The following FMN1 variants were observed in gnomAD, a reference collection of about 807,000 sequenced individuals.
The protein encoded by FMN1 is formin 1.
Under a neutral mutation model 132.4 loss-of-function variants are expected in FMN1, and 110 were observed. The ratio of observed to expected loss-of-function variants is 0.83; its 90% CI spans 0.71 to 0.97. FMN1 has a LOEUF of 0.97. FMN1 is among the 50% of genes least tolerant of loss of function. FMN1 has a pLI of 0.00. For synonymous variants in FMN1, 722 were observed against 651.7 expected, an observed-to-expected ratio of 1.11 and a Z score of -1.64; for missense variants, 1,792 against 1,705.3, an observed-to-expected ratio of 1.05 and a Z score of -0.90.
At chr15:33,067,834 T>C in intron 5 of FMN1, 1 of 1,613,940 alleles carries the variant, frequency 6.2e-7, no homozygotes, top group Non-Finnish European at 8.5e-7. Context: ...CTTCTGGTTT[T>C]GCTGGTTCTG....
At chr15:33,114,202 G>A (rs1366533907) in intron 4 of FMN1, among the ~76,000 whole-genome samples, 5 of 152,194 alleles carry the variant, frequency 3.3e-5, no homozygotes, top group Admixed American at 3.3e-4. Flanking sequence ...TTGGACAGGA[G>A]GCACCACATG....
intron 6 of FMN1, among the ~76,000 whole-genome samples, chr15:33,013,942 T>C (rs929009625): frequency 2.6e-5 from 4 of 152,210 alleles, no homozygotes; most frequent in Admixed American, 2.0e-4. Context: ...GTGACAGATA[T>C]CGCTATGACT....
intron 17 of FMN1, among the ~76,000 whole-genome samples, chr15:32,851,738 C>T (rs2059013689): frequency 6.6e-6 from 1 of 152,140 alleles, no homozygotes; most frequent in Admixed American, 6.6e-5. Flanking sequence ...ATGAAAAAGA[C>T]ATAAGGATAA....
chr15:32,840,569 T>C (rs973260235), intron 17 of FMN1, among the ~76,000 whole-genome samples: 1 of 152,246 alleles, frequency 6.6e-6, no homozygotes, highest in Non-Finnish European at 1.5e-5. Flanking sequence ...TTTTAGAGCA[T>C]GTGGGATTCC....
chr15:32,935,131 A>C (rs1176922979), intron 9 of FMN1, among the ~76,000 whole-genome samples: 2 of 150,804 alleles, frequency 1.3e-5, no homozygotes, highest in African/African-American at 4.9e-5. Flanking sequence ...CCATGTTGGG[A>C]AGGCTGGTCT....
intron 7 of FMN1, among the ~76,000 whole-genome samples, chr15:33,002,729 G>A (rs1009788271): frequency 1.3e-5 from 2 of 151,972 alleles, no homozygotes; most frequent in Non-Finnish European, 2.9e-5. Context: ...AGAAATCCAG[G>A]TTTTATATAA....
intron 5 of FMN1, among the ~76,000 whole-genome samples, chr15:33,076,549 G>A (rs1269623614): frequency 6.6e-6 from 1 of 152,120 alleles, no homozygotes; most frequent in Non-Finnish European, 1.5e-5. Flanking sequence ...GAAGATGGAT[G>A]GGAGGAGCAT....
At chr15:32,930,832 A>G (rs1236809021) in intron 9 of FMN1, among the ~76,000 whole-genome samples, 3 of 152,084 alleles carry the variant, frequency 2.0e-5, no homozygotes, top group Non-Finnish European at 4.4e-5. Flanking sequence ...CAAGTCTCAC[A>G]TTTAAGTTTC....
intron 17 of FMN1, among the ~76,000 whole-genome samples, chr15:32,844,299 T>C (rs1350990135): frequency 6.6e-6 from 1 of 152,184 alleles, no homozygotes; most frequent in Non-Finnish European, 1.5e-5. Flanking sequence ...ATCCCAAGGA[T>C]CATGTGTTTG....
chr15:32,977,420 G>T (rs1328153030), intron 7 of FMN1, among the ~76,000 whole-genome samples: 1 of 152,304 alleles, frequency 6.6e-6, no homozygotes, highest in African/African-American at 2.4e-5. Flanking sequence ...TCCTGAAAAA[G>T]ATATGGAATG....
intron 10 of FMN1, among the ~76,000 whole-genome samples, chr15:32,918,039 T>C (rs2140308117): frequency 1.3e-5 from 2 of 152,282 alleles, no homozygotes; most frequent in Middle Eastern, 3.4e-3. Context: ...TAATCTTTGT[T>C]ACAAACTATT....
intron 6 of FMN1, chr15:33,062,536 G>C (rs925441611): frequency 3.3e-5 from 5 of 152,110 alleles, no homozygotes; most frequent in African/African-American, 1.2e-4. Context: ...GCAGGAGAAT[G>C]GCGTGAACCT....
At chr15:32,969,552 T>C in intron 7 of FMN1, 75 bp from the exon 8 acceptor site, 3 of 1,494,872 alleles carry the variant, frequency 2.0e-6, no homozygotes, top group East Asian at 2.3e-5. Context: ...AACTCAATAA[T>C]ACCATCATGG....
intron 17 of FMN1, among the ~76,000 whole-genome samples, chr15:32,835,939 C>A (rs1303357388): frequency 6.6e-6 from 1 of 152,152 alleles, no homozygotes; most frequent in Non-Finnish European, 1.5e-5. Context: ...TGGCTCGCTG[C>A]AGCCTCAATC....
chr15:33,192,543 A>G (rs112462350), intron 2 of FMN1, among the ~76,000 whole-genome samples: 2 of 152,250 alleles, frequency 1.3e-5, no homozygotes, highest in East Asian at 3.8e-4. Flanking sequence ...CTAAAGCTGC[A>G]TCTTTAACGT....
At chr15:33,132,612 C>T (rs116800315) in intron 4 of FMN1, among the ~76,000 whole-genome samples, 3,290 of 152,212 alleles carry the variant, frequency 0.022, 109 homozygotes, top group African/African-American at 0.074. Context: ...CACCTAAGAG[C>T]GGAGGGAAGA....
chr15:32,785,211 T>TAG lies in FMN1; in HGVS notation c.4131-8293_4131-8292insCT, dbSNP rs1388602931. On this transcript the variant is annotated intron_variant, in intron 19 of 20. Coordinates refer to ENST00000616417, the MANE Select transcript of FMN1 (RefSeq NM_001277313.2). ...GTGTGTGTGTGTGTGTATATATATA[T>TAG]ATATATATTTTTTTTTTTTTTTTTT... 9.4e-5 allele frequency among the ~76,000 whole-genome samples: 6 copies of TAG among 63,894 alleles called. 1 individual carries two copies. The highest frequency in any genetic ancestry group is 1.5e-4 in the Non-Finnish European group (5 of 33,356). 41.9% of individuals were successfully genotyped at this position (63,894 alleles called of 152,430 possible).
chr15:32,971,964 A>T (rs1045435275), intron 7 of FMN1, among the ~76,000 whole-genome samples: 1 of 152,142 alleles, frequency 6.6e-6, no homozygotes, highest in Non-Finnish European at 1.5e-5. Flanking sequence ...GCTCTGAGGT[A>T]AGGCATTTGT....
chr15:32,845,951 T>C (rs1361406197), intron 17 of FMN1, among the ~76,000 whole-genome samples: 4 of 149,044 alleles, frequency 2.7e-5, no homozygotes, highest in Admixed American at 1.4e-4. Flanking sequence ...ATTCCCATTT[T>C]ACAGACAAGA....
Sources: allele counts gnomAD v4.1 joint callset (sites outside exome capture counted in the v4.1 genomes callset), GRCh38; gene constraint gnomAD v4.1.1; transcripts MANE v1.5; gene names NCBI Gene and HGNC (gene_info 2026-07-23, HGNC 2026-07-21).